The following CUL4A variants were observed in gnomAD, a reference collection of about 807,000 sequenced individuals.
CUL4A encodes cullin-4A.
Under a neutral mutation model 95.5 loss-of-function variants are expected in CUL4A, and 16 were observed. That is an observed-to-expected ratio of 0.17 (90% CI 0.11 to 0.25). The LOEUF (loss-of-function observed/expected upper bound fraction) is 0.25. CUL4A is among the 10% of genes least tolerant of loss of function. The probability of loss-of-function intolerance (pLI) is 1.00; values close to 1 mark genes in which losing one functional copy is unlikely to be tolerated. For missense variants in CUL4A, 610 were observed against 937.0 expected (o/e 0.65, Z 4.56); for synonymous variants, 380 against 353.1 (o/e 1.08, Z -0.85).
intron 9 of CUL4A, among the ~76,000 whole-genome samples, chr13:113,238,844 C>A (rs902365217): frequency 6.6e-6 from 1 of 152,170 alleles, no homozygotes; most frequent in Non-Finnish European, 1.5e-5. Context: ...ACCTGGCTGC[C>A]TCTCAGTAGT....
upstream of CUL4A, chr13:113,208,209 G>C (rs2040074992): frequency 6.5e-7 from 1 of 1,538,944 alleles, no homozygotes; most frequent in African/African-American, 1.4e-5. Flanking sequence ...CCCGCATCCT[G>C]CTGGGAAACA....
rs1226421176 is a variant in CUL4A at position 113,263,950 on chromosome 13, G to T, written c.*368G>T. 3 of 164,508 alleles carry T rather than the reference G, an allele frequency of 1.8e-5. No homozygotes were observed. Among genetic ancestry groups the T allele is most frequent in the African/African-American group, 7.2e-5 (3 of 41,942 alleles). 10.2% of individuals were successfully genotyped at this position (164,508 alleles called of 1,614,324 possible). On this transcript the variant is annotated 3_prime_UTR_variant, in exon 20 of 20. Coordinates refer to ENST00000375440, the MANE Select transcript of CUL4A (RefSeq NM_001008895.4). Reference sequence around the variant, plus strand: ...TGTGTGATCATGAGTGCACAATGAAGAAGACCCTAGATGCTGCATTTTTTA... The same window carrying T: ...TGTGTGATCATGAGTGCACAATGAATAAGACCCTAGATGCTGCATTTTTTA...
chr13:113,265,726 A>G lies in CUL4A; in HGVS notation c.*2144A>G, dbSNP rs536201554. ...TTATAAAAGAAAGGAAAATCTATTT[A>G]TATCTATTCTCTTATTTAGCAATAT... is the stretch of plus-strand genomic sequence containing the variant. On this transcript the variant is annotated 3_prime_UTR_variant, in exon 20 of 20. Coordinates refer to ENST00000375440, the MANE Select transcript of CUL4A (RefSeq NM_001008895.4). 6.6e-6 allele frequency: 1 copy of G among 152,348 alleles called. No homozygotes were observed. The highest frequency in any genetic ancestry group is 2.1e-4 in the South Asian group (1 of 4,830). The allele number at this position is 152,348 out of a possible 1,614,324, so 9.4% of individuals were successfully genotyped here.
intron 2 of CUL4A, among the ~76,000 whole-genome samples, chr13:113,215,689 GCGTCC>G (rs1567012689): frequency 7.1e-4 from 93 of 131,572 alleles, no homozygotes; most frequent in African/African-American, 2.5e-3. Context: ...TATGGAGGTC[GCGTCC>G]CATGTGGCTG....
chr13:113,225,037 C>G (rs1007351797), intron 3 of CUL4A, among the ~76,000 whole-genome samples: 8 of 147,936 alleles, frequency 5.4e-5, no homozygotes, highest in African/African-American at 2.0e-4. Flanking sequence ...TTTGCTTTTT[C>G]TTTTTTTTTT....
intron 3 of CUL4A, among the ~76,000 whole-genome samples, chr13:113,222,567 C>G (rs1185107279): frequency 6.6e-6 from 1 of 151,478 alleles, no homozygotes; most frequent in Non-Finnish European, 1.5e-5. Context: ...GGTAGAGATG[C>G]CTGTTGTGCA....
At chr13:113,238,433 C>CA (rs894655457) in intron 9 of CUL4A, among the ~76,000 whole-genome samples, 25 of 138,286 alleles carry the variant, frequency 1.8e-4, no homozygotes, top group Admixed American at 5.1e-4. Context: ...AGACCTGTCT[C>CA]AAAAAAAAAA....
At chr13:113,257,057 T>C (rs1238008467) in intron 18 of CUL4A, among the ~76,000 whole-genome samples, 2 of 150,320 alleles carry the variant, frequency 1.3e-5, no homozygotes, top group Non-Finnish European at 3.0e-5. Context: ...CTCGAGTAGC[T>C]GGGACTACAG....
intron 2 of CUL4A, among the ~76,000 whole-genome samples, chr13:113,218,535 TAAACAC>T (rs1719273951): frequency 6.6e-6 from 1 of 152,134 alleles, no homozygotes. Context: ...AAGGTGAACT[TAAACAC>T]AAACACACTC....
chr13:113,238,424 G>A (rs141163141), intron 9 of CUL4A, among the ~76,000 whole-genome samples: 4 of 150,920 alleles, frequency 2.7e-5, no homozygotes, highest in Non-Finnish European at 5.9e-5. Flanking sequence ...CAAAGCAAGA[G>A]ACCTGTCTCA....
chr13:113,237,025 A>G, intron 9 of CUL4A, 135 bp downstream of exon 9: 2 of 620,366 alleles, frequency 3.2e-6, no homozygotes, highest in South Asian at 2.3e-5. Context: ...AATCTTTTCT[A>G]ATGAACATGT....
At chr13:113,211,722 G>C (rs370783782) in intron 2 of CUL4A, among the ~76,000 whole-genome samples, 13 of 152,030 alleles carry the variant, frequency 8.6e-5, no homozygotes, top group African/African-American at 3.1e-4. Flanking sequence ...AAACATTTGT[G>C]AATAACCCTT....
At chr13:113,248,263 ATC>A (rs1302566240) in intron 15 of CUL4A, among the ~76,000 whole-genome samples, 7 of 152,048 alleles carry the variant, frequency 4.6e-5, no homozygotes, top group Admixed American at 1.3e-4. Context: ...TTCCAGCTCT[ATC>A]ATTTCTCTAT....
In CUL4A at chr13:113,266,899, A is replaced by G. The variant is rs2042405082; in HGVS notation, c.*3317A>G. 6.6e-6 allele frequency: 1 copy of G among 152,230 alleles called. No homozygotes were observed. Among genetic ancestry groups the G allele is most frequent in the African/African-American group, 2.4e-5 (1 of 41,454 alleles). The allele number at this position is 152,230 out of a possible 1,614,324, so 9.4% of individuals were successfully genotyped here. On this transcript the variant is annotated 3_prime_UTR_variant, in exon 20 of 20. Coordinates refer to ENST00000375440, the MANE Select transcript of CUL4A (RefSeq NM_001008895.4). ...TGACTATTATTGTATAAATTTATAG[A>G]GTATAAAGTGATCTTATAAATTATG...
At chr13:113,261,981 G>A (rs113462965) in intron 19 of CUL4A, among the ~76,000 whole-genome samples, 260 of 152,220 alleles carry the variant, frequency 1.7e-3, no homozygotes, top group African/African-American at 5.8e-3. Context: ...GGGTTTTACC[G>A]TGTGGTCAGG....
chr13:113,249,621 G>C (rs1292133774), intron 15 of CUL4A, among the ~76,000 whole-genome samples: 1 of 152,212 alleles, frequency 6.6e-6, no homozygotes, highest in East Asian at 1.9e-4. Context: ...GTATATACCT[G>C]GGAGTGGAAC....
chr13:113,214,688 C>T (rs1244331936), intron 2 of CUL4A, among the ~76,000 whole-genome samples: 1 of 152,144 alleles, frequency 6.6e-6, no homozygotes, highest in Non-Finnish European at 1.5e-5. Context: ...GGCTGTCTTT[C>T]TTGAGTCACG....
chr13:113,236,287 C>G (rs1257692814), intron 8 of CUL4A, among the ~76,000 whole-genome samples: 2 of 152,144 alleles, frequency 1.3e-5, no homozygotes, highest in Non-Finnish European at 2.9e-5. Flanking sequence ...GTTGTGCTTC[C>G]TTCCAACTGG....
At chr13:113,211,080 A>C (rs964742972) in intron 2 of CUL4A, among the ~76,000 whole-genome samples, 7 of 152,218 alleles carry the variant, frequency 4.6e-5, no homozygotes, top group Non-Finnish European at 7.3e-5. Flanking sequence ...AGAATGGTAG[A>C]ATATTGCTAC....
Sources: allele counts gnomAD v4.1 joint callset (sites outside exome capture counted in the v4.1 genomes callset), GRCh38; gene constraint gnomAD v4.1.1; transcripts MANE v1.5; gene names NCBI Gene and HGNC (gene_info 2026-07-23, HGNC 2026-07-21).